Variants in SYNPR observed in about 807,000 individuals in gnomAD.
The protein encoded by SYNPR is synaptoporin.
A neutral mutation model predicts 32.9 loss-of-function variants in SYNPR; 23 were observed. That is an observed-to-expected ratio of 0.70 (90% CI 0.50 to 0.99). The LOEUF (loss-of-function observed/expected upper bound fraction) is 0.99, where lower values mean the gene tolerates loss of function less well. Among genes scored for constraint, SYNPR ranks in the 50% least tolerant of loss-of-function variants. The probability of loss-of-function intolerance (pLI) is 0.00; values close to 1 mark genes in which losing one functional copy is unlikely to be tolerated. For missense variants in SYNPR, 318 were observed against 349.3 expected (o/e 0.91, Z 0.71); for synonymous variants, 146 against 135.9 (o/e 1.07, Z -0.52).
At chr3:63,454,636 G>A (rs532292314) in intron 2 of SYNPR, among the ~76,000 whole-genome samples, 115 of 152,174 alleles carry the variant, frequency 7.6e-4, no homozygotes, top group African/African-American at 2.6e-3. Context: ...CACAGACAAA[G>A]GTCCTCATTC....
chr3:63,440,913 A>G (rs1284424503), intron 2 of SYNPR, among the ~76,000 whole-genome samples: 2 of 152,116 alleles, frequency 1.3e-5, no homozygotes, highest in African/African-American at 2.4e-5. Flanking sequence ...GCAAGTTCCA[A>G]TCTCTGGTGC....
chr3:63,339,032 G>T (rs540312106), intron 2 of SYNPR, among the ~76,000 whole-genome samples: 2 of 152,272 alleles, frequency 1.3e-5, no homozygotes, highest in South Asian at 4.2e-4. Flanking sequence ...TGCTGCGTTT[G>T]CTTGTGAATT....
At chr3:63,601,449 C>T (rs1211875157) in intron 4 of SYNPR, among the ~76,000 whole-genome samples, 14 of 152,084 alleles carry the variant, frequency 9.2e-5, no homozygotes, top group Admixed American at 9.2e-4. Context: ...ATTTCGTCAT[C>T]TAGGTAACAG....
At chr3:63,456,367 C>G (rs1700481616) in intron 2 of SYNPR, among the ~76,000 whole-genome samples, 1 of 152,016 alleles carries the variant, frequency 6.6e-6, no homozygotes, top group Admixed American at 6.6e-5. Flanking sequence ...TGCATCAGTA[C>G]CTTTAAGCCT....
At chr3:63,267,601 G>GT (rs1234154246) in intron 3 of SYNPR, among the ~76,000 whole-genome samples, 1 of 152,156 alleles carries the variant, frequency 6.6e-6, no homozygotes, top group Non-Finnish European at 1.5e-5. Flanking sequence ...ATCAGAAGCT[G>GT]TTAGTTAAGA....
Position 63,406,472 on chromosome 3 carries a change from AT to A in SYNPR, c.85-74347del, listed in dbSNP as rs571038837. Reference sequence around the variant, plus strand: ...TCTAGGAAGTAGGTGATGTGATTCCATTTTTTTTTTTTTAAATTAAGAACCT... The same window carrying A: ...TCTAGGAAGTAGGTGATGTGATTCCATTTTTTTTTTTTAAATTAAGAACCT... On this transcript the variant is annotated intron_variant, in intron 2 of 5. Transcript: ENST00000478300. Among the ~76,000 whole-genome samples the A allele has an allele frequency of 7.6e-3, 1,094 of 143,502 alleles. 7 individuals are homozygous for A. Among genetic ancestry groups the A allele is most frequent in the Admixed American group, 0.018 (264 of 14,376 alleles). 94.1% of individuals were successfully genotyped at this position (143,502 alleles called of 152,430 possible).
At chr3:63,408,344 G>GAAAGAAAGAAAGAAAGACAGAAAAGA in intron 2 of SYNPR, among the ~76,000 whole-genome samples, 1 of 143,980 alleles carries the variant, frequency 6.9e-6, no homozygotes, top group African/African-American at 2.8e-5. Flanking sequence ...AAGAAAGAAA[G>GAAAGAAAGAAAGAAAGACAGAAAAGA]AAAGAAAGAA....
intron 3 of SYNPR, among the ~76,000 whole-genome samples, chr3:63,268,863 AT>A (rs2086511901): frequency 1.3e-5 from 2 of 152,206 alleles, no homozygotes; most frequent in Admixed American, 1.3e-4. Context: ...CTGAAAGTGA[AT>A]TTTCCAATTG....
At chr3:63,319,189 C>T (rs2087081283) in intron 2 of SYNPR, among the ~76,000 whole-genome samples, 1 of 151,986 alleles carries the variant, frequency 6.6e-6, no homozygotes, top group Non-Finnish European at 1.5e-5. Context: ...ACTGTCCTTT[C>T]TCCAATGTAT....
chr3:63,574,217 A>G (rs1293046788), intron 4 of SYNPR, among the ~76,000 whole-genome samples: 2 of 152,184 alleles, frequency 1.3e-5, no homozygotes, highest in Non-Finnish European at 2.9e-5. Flanking sequence ...ATTCAGGCCA[A>G]TGATACAGAG....
At chr3:63,586,834 A>G (rs1703193623) in intron 4 of SYNPR, among the ~76,000 whole-genome samples, 2 of 152,024 alleles carry the variant, frequency 1.3e-5, no homozygotes, top group Non-Finnish European at 2.9e-5. Flanking sequence ...TGATCAAGGC[A>G]TTCCTTGATC....
chr3:63,200,746 G>C, the SYNPR span, among the ~76,000 whole-genome samples: 1 of 152,242 alleles, frequency 6.6e-6, no homozygotes, highest in South Asian at 2.1e-4. Flanking sequence ...TTAGAGAAAG[G>C]ATATTGACTC....
intron 2 of SYNPR, among the ~76,000 whole-genome samples, chr3:63,377,827 G>T (rs1024754062): frequency 2.6e-5 from 4 of 151,908 alleles, no homozygotes; most frequent in Admixed American, 1.3e-4. Context: ...AATTAGGAGA[G>T]TATAGGAAAT....
intron 2 of SYNPR, among the ~76,000 whole-genome samples, chr3:63,317,638 C>T (rs1320488717): frequency 1.3e-5 from 2 of 151,960 alleles, no homozygotes; most frequent in Admixed American, 6.6e-5. Context: ...TTAGGTGAGT[C>T]TCCTGGAGGC....
intron 3 of SYNPR, among the ~76,000 whole-genome samples, chr3:63,529,396 T>C (rs771274687): frequency 6.6e-6 from 1 of 152,264 alleles, no homozygotes; most frequent in Non-Finnish European, 1.5e-5. Flanking sequence ...TGGGTGTTTC[T>C]GAATATCTTC....
At chr3:63,285,532 C>T (rs1381012471) in intron 2 of SYNPR, among the ~76,000 whole-genome samples, 3 of 152,132 alleles carry the variant, frequency 2.0e-5, no homozygotes, top group Non-Finnish European at 4.4e-5. Context: ...TAATTACAAC[C>T]TTCTAGCCTC....
intron 4 of SYNPR, among the ~76,000 whole-genome samples, chr3:63,595,728 T>G (rs1256722158): frequency 1.5e-4 from 3 of 20,352 alleles, no homozygotes; most frequent in African/African-American, 1.2e-3. Flanking sequence ...TATATATATA[T>G]ATATATATAT....
rs1316778080 is a variant in SYNPR, at chr3:63,498,270, G to A, written c.209+17314G>A. Among the ~76,000 whole-genome samples, 3 of 151,956 alleles carry A rather than the reference G, an allele frequency of 2.0e-5. No individual in the cohort carries two copies. The East Asian group carries it at 6.0e-4, about 30-fold the overall frequency. On this transcript the variant is annotated intron_variant, in intron 3 of 5. Coordinates refer to ENST00000478300, the MANE Select transcript of SYNPR (RefSeq NM_001130003.2). ...AGTCAATAATTTATAAATGGTTCCT[G>A]GCAAAAAGACTCGTTCATTCATAGA...
At chr3:63,270,312 A>T (rs1305275419) in intron 3 of SYNPR, among the ~76,000 whole-genome samples, 1 of 152,216 alleles carries the variant, frequency 6.6e-6, no homozygotes, top group Non-Finnish European at 1.5e-5. Context: ...TCAGGGAGTG[A>T]GAATAGCTCT....
Sources: allele counts gnomAD v4.1 joint callset (sites outside exome capture counted in the v4.1 genomes callset), GRCh38; gene constraint gnomAD v4.1.1; transcripts MANE v1.5; gene names NCBI Gene and HGNC (gene_info 2026-07-23, HGNC 2026-07-21).